PPP2R2B: variants seen among roughly 807,000 people sequenced by gnomAD.
The protein encoded by PPP2R2B is serine/threonine-protein phosphatase 2A 55 kDa regulatory subunit B beta isoform.
In PPP2R2B, 5 loss-of-function variants were observed where a neutral mutation model predicts 46.0. The observed-to-expected ratio is 0.11, with a 90% CI of 0.06 to 0.23. The LOEUF is 0.23. Among genes scored for constraint, PPP2R2B ranks in the 10% least tolerant of loss-of-function variants. PPP2R2B has a pLI of 1.00. For missense variants in PPP2R2B, 367 were observed against 575.0 expected (o/e 0.64, Z 3.70); for synonymous variants, 215 against 206.7 (o/e 1.04, Z -0.34).
chr5:146,648,762 G>T (rs1037680029), intron 6 of PPP2R2B, among the ~76,000 whole-genome samples: 15 of 152,244 alleles, frequency 9.9e-5, no homozygotes, highest in Admixed American at 9.8e-4. Context: ...TGAATGCTGT[G>T]GGCAAAATAT....
intron 1 of PPP2R2B, chr5:146,914,487 A>G (rs1763307151): frequency 6.6e-6 from 1 of 152,234 alleles, no homozygotes; most frequent in Admixed American, 6.5e-5. Flanking sequence ...CCTGGGCACC[A>G]TTCTAATCTC....
chr5:146,639,552 C>T lies in PPP2R2B; in HGVS notation c.626-1137G>A, dbSNP rs1360057613. Among the ~76,000 whole-genome samples the T allele has an allele frequency of 2.0e-5, 3 of 152,102 alleles. No individual in the cohort carries two copies. In the East Asian group the frequency reaches 5.8e-4, roughly 29 times the overall value. On this transcript the variant is annotated intron_variant, in intron 6 of 9. Transcript: ENST00000394411. ...CTTGGGGGATCAGGACACAGAGGGG[C>T]CGAGGTACTGTCTGAGGACCCAGCA...
At chr5:146,660,708 T>A (rs1776617969) in intron 5 of PPP2R2B, among the ~76,000 whole-genome samples, 1 of 152,236 alleles carries the variant, frequency 6.6e-6, no homozygotes, top group Admixed American at 6.5e-5. Context: ...TTACTGGCTT[T>A]GTCATACAGA....
intron 1 of PPP2R2B, among the ~76,000 whole-genome samples, chr5:147,049,155 A>T (rs1293932983): frequency 4.0e-5 from 6 of 151,782 alleles, no homozygotes; most frequent in African/African-American, 1.2e-4. Flanking sequence ...CCAGGAAAGG[A>T]TTCTCTGGTG....
At chr5:146,800,530 C>T (rs1487910262) in intron 2 of PPP2R2B, among the ~76,000 whole-genome samples, 2 of 148,632 alleles carry the variant, frequency 1.3e-5, no homozygotes, top group Non-Finnish European at 3.0e-5. Context: ...CTCATAGTCT[C>T]ATTTCACCTT....
Position 146,763,785 on chromosome 5 carries a change from C to T in PPP2R2B, c.71-62643G>A, listed in dbSNP as rs111726338. Among the ~76,000 whole-genome samples the T allele has an allele frequency of 4.3e-3, 658 of 152,300 alleles. 6 individuals carry two copies. Among genetic ancestry groups the T allele is most frequent in the African/African-American group, 0.015 (606 of 41,564 alleles). On this transcript the variant is annotated intron_variant, in intron 2 of 9. Transcript: ENST00000394411. ...TCTCTCAGGCTGGAATGCACTGGTG[C>T]TATCATGGCTCACTGCAACTTTGAC...
chr5:146,627,523 C>G (rs1774145178), intron 7 of PPP2R2B, among the ~76,000 whole-genome samples: 1 of 152,160 alleles, frequency 6.6e-6, no homozygotes, highest in African/African-American at 2.4e-5. Context: ...AATGGTCAGG[C>G]TGGGGAATCC....
chr5:146,845,587 G>T (rs762697207), intron 2 of PPP2R2B, among the ~76,000 whole-genome samples: 2 of 152,014 alleles, frequency 1.3e-5, no homozygotes, highest in African/African-American at 2.4e-5. Flanking sequence ...TTTTATTCAT[G>T]TCTCCTCCAT....
At chr5:146,621,794 A>G (rs1773720179) in intron 7 of PPP2R2B, among the ~76,000 whole-genome samples, 1 of 152,210 alleles carries the variant, frequency 6.6e-6, no homozygotes, top group African/African-American at 2.4e-5. Flanking sequence ...ACATTTTATA[A>G]TCACTGTAGA....
chr5:146,836,065 A>G (rs1278012781), intron 2 of PPP2R2B, among the ~76,000 whole-genome samples: 1 of 152,212 alleles, frequency 6.6e-6, no homozygotes, highest in Admixed American at 6.5e-5. Context: ...TATCTGACAC[A>G]TAATAAATAT....
At chr5:146,945,344 C>A (rs1403018117) in intron 1 of PPP2R2B, among the ~76,000 whole-genome samples, 1 of 152,160 alleles carries the variant, frequency 6.6e-6, no homozygotes, top group Non-Finnish European at 1.5e-5. Context: ...GGAAAGCAAC[C>A]TAAAACTGGG....
chr5:146,894,890 T>C (rs1362710043), intron 1 of PPP2R2B, among the ~76,000 whole-genome samples: 1 of 152,218 alleles, frequency 6.6e-6, no homozygotes, highest in African/African-American at 2.4e-5. Flanking sequence ...TTTTCTCTCC[T>C]GTAAGCTCTT....
chr5:146,760,472 C>A lies in PPP2R2B; in HGVS notation c.71-59330G>T, dbSNP rs558700957. On this transcript the variant is annotated intron_variant, in intron 2 of 9. Transcript: ENST00000394411. Reference sequence around the variant, plus strand: ...ATGAAATGAACTCTCTGCTCTCCAGCAACTCATACTCTTGCTGGAAAAGAC... The same window carrying A: ...ATGAAATGAACTCTCTGCTCTCCAGAAACTCATACTCTTGCTGGAAAAGAC... 8.3e-4 allele frequency among the ~76,000 whole-genome samples: 127 copies of A among 152,242 alleles called. 1 individual carries two copies. Among genetic ancestry groups the A allele is most frequent in the African/African-American group, 2.9e-3 (119 of 41,538 alleles).
At chr5:146,813,076 A>G (rs549369723) in intron 2 of PPP2R2B, among the ~76,000 whole-genome samples, 4 of 151,062 alleles carry the variant, frequency 2.6e-5, no homozygotes, top group African/African-American at 9.7e-5. Flanking sequence ...TGAATCATCC[A>G]GCCAGGACAT....
At chr5:146,693,184 C>T (rs1291360697) in intron 4 of PPP2R2B, among the ~76,000 whole-genome samples, 1 of 151,436 alleles carries the variant, frequency 6.6e-6, no homozygotes, top group African/African-American at 2.4e-5. Flanking sequence ...CTTCTTCCTT[C>T]CCTTCCTCTC....
chr5:146,856,366 A>G, intron 2 of PPP2R2B: 1 of 648,332 alleles, frequency 1.5e-6, no homozygotes, highest in Admixed American at 2.8e-5. Context: ...ACAAATTTTA[A>G]GCAACTGGAA....
intron 5 of PPP2R2B, among the ~76,000 whole-genome samples, chr5:146,651,340 G>A (rs1775943350): frequency 6.6e-6 from 1 of 152,114 alleles, no homozygotes; most frequent in South Asian, 2.1e-4. Flanking sequence ...TGCGAACCAG[G>A]TAGTGTCCAC....
At chr5:146,682,219 C>T (rs951898895) in intron 5 of PPP2R2B, among the ~76,000 whole-genome samples, 3 of 152,094 alleles carry the variant, frequency 2.0e-5, no homozygotes, top group Non-Finnish European at 4.4e-5. Context: ...TGCAAGGCAG[C>T]GTAGGAGAGT....
Position 146,792,596 on chromosome 5 carries a change from TAAAGGTGCA to T in PPP2R2B, c.70+85397_70+85405del, listed in dbSNP as rs551870533. On this transcript the variant is annotated intron_variant, in intron 2 of 9. Coordinates refer to ENST00000394411, the MANE Select transcript of PPP2R2B (RefSeq NM_181675.4). ...ATAGGTTAATGCAGATCAGAAAGAC[TAAAGGTGCA>T]AGGGGACTTCAATTTCAAATAGGTA... 2.6e-4 allele frequency among the ~76,000 whole-genome samples: 40 copies of T among 152,276 alleles called. No individual in the cohort carries two copies. In the South Asian group the frequency reaches 8.1e-3, roughly 31 times the overall value.
Sources: allele counts gnomAD v4.1 joint callset (sites outside exome capture counted in the v4.1 genomes callset), GRCh38; gene constraint gnomAD v4.1.1; transcripts MANE v1.5; gene names NCBI Gene and HGNC (gene_info 2026-07-23, HGNC 2026-07-21).